Variants in CERS6 observed in about 807,000 individuals in gnomAD.
The protein encoded by CERS6 is ceramide synthase 6, also known as LAG1 homolog, ceramide synthase 6.
A neutral mutation model predicts 56.8 loss-of-function variants in CERS6; 26 were observed. That is an observed-to-expected ratio of 0.46 (90% CI 0.34 to 0.63). The LOEUF (loss-of-function observed/expected upper bound fraction) is 0.63, where lower values mean the gene tolerates loss of function less well. Among genes scored for constraint, CERS6 ranks in the 30% least tolerant of loss-of-function variants. The pLI, the probability that CERS6 is intolerant of heterozygous loss-of-function variation, is 0.01. For missense variants in CERS6, 415 were observed against 467.5 expected, an observed-to-expected ratio of 0.89 and a Z score of 1.04; for synonymous variants, 164 against 173.3, an observed-to-expected ratio of 0.95 and a Z score of 0.42.
intron 3 of CERS6, among the ~76,000 whole-genome samples, chr2:168,598,990 A>T (rs1683870056): frequency 1.3e-5 from 2 of 152,194 alleles, no homozygotes; most frequent in Non-Finnish European, 2.9e-5. Flanking sequence ...ACAGCACTTG[A>T]CATTTGTGTA....
intron 3 of CERS6, among the ~76,000 whole-genome samples, chr2:168,603,927 A>G (rs1474368386): frequency 3.3e-5 from 5 of 152,206 alleles, no homozygotes; most frequent in Non-Finnish European, 7.3e-5. Context: ...GTCTGTCTCT[A>G]GCTCTGAATC....
chr2:168,731,835 G>A (rs889692924), intron 8 of CERS6, among the ~76,000 whole-genome samples: 4 of 152,136 alleles, frequency 2.6e-5, no homozygotes, highest in Non-Finnish European at 4.4e-5. Flanking sequence ...CAGAAGATAC[G>A]TGAAGCACTG....
At chr2:168,672,774 C>G (rs1348606568) in intron 4 of CERS6, among the ~76,000 whole-genome samples, 2 of 152,174 alleles carry the variant, frequency 1.3e-5, no homozygotes, top group African/African-American at 4.8e-5. Context: ...TGACATAGTT[C>G]AATTGCATTA....
At chr2:168,653,464 G>A (rs1022882070) in intron 4 of CERS6, among the ~76,000 whole-genome samples, 1 of 152,154 alleles carries the variant, frequency 6.6e-6, no homozygotes, top group African/African-American at 2.4e-5. Flanking sequence ...AAGGATTCTA[G>A]TTCTCCTTTC....
intron 2 of CERS6, 71 bp downstream of exon 2, chr2:168,547,772 T>A: frequency 9.1e-7 from 1 of 1,100,220 alleles, no homozygotes; most frequent in Non-Finnish European, 1.4e-6. Flanking sequence ...ATTCAATTTG[T>A]CCCCTTCTGG....
intron 4 of CERS6, among the ~76,000 whole-genome samples, chr2:168,655,552 G>T (rs1318966838): frequency 6.6e-6 from 1 of 152,212 alleles, no homozygotes; most frequent in Admixed American, 6.5e-5. Flanking sequence ...TTAAAAAGGT[G>T]ATCCTGCAAT....
At chr2:168,753,354 A>G (rs1398653319) in intron 8 of CERS6, among the ~76,000 whole-genome samples, 1 of 152,218 alleles carries the variant, frequency 6.6e-6, no homozygotes, top group African/African-American at 2.4e-5. Context: ...TGATATGTTT[A>G]TGTTTGTCTT....
intron 1 of CERS6, among the ~76,000 whole-genome samples, chr2:168,491,602 G>A (rs1694375584): frequency 6.6e-6 from 1 of 151,708 alleles, no homozygotes; most frequent in South Asian, 2.1e-4. Context: ...ATGGAACTAT[G>A]GTTAATAGTG....
At chr2:168,741,587 C>T (rs1188792971) in intron 8 of CERS6, among the ~76,000 whole-genome samples, 5 of 152,158 alleles carry the variant, frequency 3.3e-5, no homozygotes, top group Non-Finnish European at 7.3e-5. Flanking sequence ...GCATTCAAAG[C>T]AGCCCGTGGG....
chr2:168,471,519 GAAAT>G (rs78125841), intron 1 of CERS6, among the ~76,000 whole-genome samples: 4,231 of 152,224 alleles, frequency 0.028, 76 homozygotes, highest in Non-Finnish European at 0.044. Flanking sequence ...TTCTAAAAAG[GAAAT>G]AAATTTGAGT....
chr2:168,561,941 G>C (rs952340108), intron 3 of CERS6, among the ~76,000 whole-genome samples: 2 of 152,150 alleles, frequency 1.3e-5, no homozygotes, highest in Non-Finnish European at 2.9e-5. Flanking sequence ...TTTTGAAGTA[G>C]TGATACTTCA....
intron 4 of CERS6, among the ~76,000 whole-genome samples, chr2:168,690,573 C>T (rs986326857): frequency 6.6e-6 from 1 of 152,176 alleles, no homozygotes; most frequent in African/African-American, 2.4e-5. Flanking sequence ...CTGCATGTCA[C>T]TGAACCCTGG....
At chr2:168,694,540 A>G (rs1165306174) in intron 5 of CERS6, among the ~76,000 whole-genome samples, 1 of 152,220 alleles carries the variant, frequency 6.6e-6, no homozygotes, top group African/African-American at 2.4e-5. Flanking sequence ...TCTATGCCTC[A>G]GTGACCCATA....
chr2:168,543,467 T>TAA lies in CERS6; in HGVS notation c.171-4121_171-4120dup, dbSNP rs10653060. Among the ~76,000 whole-genome samples the TAA allele has an allele frequency of 8.2e-3, 1,218 of 147,918 alleles. 10 individuals are homozygous for TAA. Among genetic ancestry groups the TAA allele is most frequent in the African/African-American group, 0.028 (1,144 of 40,182 alleles). ...AACTTATTTATGTTAGAACTGGCAT[T>TAA]AAAAAAAAATCCAGTTTTTTACATG... is the stretch of plus-strand genomic sequence containing the variant. On this transcript the variant is annotated intron_variant, in intron 1 of 9. Coordinates refer to ENST00000305747, the MANE Select transcript of CERS6 (RefSeq NM_203463.3).
chr2:168,532,079 G>T (rs1695178558), intron 1 of CERS6, among the ~76,000 whole-genome samples: 1 of 152,152 alleles, frequency 6.6e-6, no homozygotes, highest in African/African-American at 2.4e-5. Flanking sequence ...GTGCACCTGG[G>T]ATATGAGTTT....
chr2:168,477,173 CAGAGAGAGAGAG>C (rs10609883), intron 1 of CERS6, among the ~76,000 whole-genome samples: 250 of 115,536 alleles, frequency 2.2e-3, no homozygotes, highest in Non-Finnish European at 2.5e-3. Flanking sequence ...GAGGGAGAGA[CAGAGAGAGAGAG>C]AGAGAGAGAG....
chr2:168,537,020 C>G (rs1695276502), intron 1 of CERS6, among the ~76,000 whole-genome samples: 1 of 152,136 alleles, frequency 6.6e-6, no homozygotes, highest in Non-Finnish European at 1.5e-5. Context: ...CCATAGTTCT[C>G]TTTCACCACA....
At chr2:168,463,384 ATTTAC>A (rs1558958884) in intron 1 of CERS6, among the ~76,000 whole-genome samples, 1 of 152,208 alleles carries the variant, frequency 6.6e-6, no homozygotes, top group Non-Finnish European at 1.5e-5. Flanking sequence ...TTATACCATA[ATTTAC>A]TTAACCAGTG....
At chr2:168,693,064 G>A (rs1686545796) in intron 5 of CERS6, among the ~76,000 whole-genome samples, 1 of 152,064 alleles carries the variant, frequency 6.6e-6, no homozygotes, top group South Asian at 2.1e-4. Flanking sequence ...TCATATACAT[G>A]TGTATATTCT....
Sources: allele counts gnomAD v4.1 joint callset (sites outside exome capture counted in the v4.1 genomes callset), GRCh38; gene constraint gnomAD v4.1.1; transcripts MANE v1.5; gene names NCBI Gene and HGNC (gene_info 2026-07-23, HGNC 2026-07-21).